CADM2: variants seen among roughly 807,000 people sequenced by gnomAD.
CADM2 encodes the protein cell adhesion molecule 2, also known as immunoglobulin superfamily member 4D.
CADM2 carries 12 observed loss-of-function variants against 49.8 expected under a neutral mutation model. The observed-to-expected ratio is 0.24, with a 90% CI of 0.15 to 0.39. The LOEUF (loss-of-function observed/expected upper bound fraction) is 0.39, where lower values mean the gene tolerates loss of function less well. Among genes scored for constraint, CADM2 ranks in the 10% least tolerant of loss-of-function variants. The pLI is 1.00. For missense variants in CADM2, 378 were observed against 492.3 expected (o/e 0.77, Z 2.20); for synonymous variants, 214 against 175.4 (o/e 1.22, Z -1.74).
At chr3:85,294,446 GT>G (rs2043896337) in intron 1 of CADM2, among the ~76,000 whole-genome samples, 1 of 151,688 alleles carries the variant, frequency 6.6e-6, no homozygotes, top group Non-Finnish European at 1.5e-5. Flanking sequence ...CTACTTTAAA[GT>G]TCATATGGAA....
intron 1 of CADM2, among the ~76,000 whole-genome samples, chr3:85,230,321 T>A (rs904680506): frequency 1.3e-5 from 2 of 152,224 alleles, no homozygotes; most frequent in African/African-American, 4.8e-5. Context: ...AAATGTATTA[T>A]ATAGCTAAGC....
chr3:85,228,938 A>G (rs1462608889), intron 1 of CADM2, among the ~76,000 whole-genome samples: 2 of 152,122 alleles, frequency 1.3e-5, no homozygotes, highest in Non-Finnish European at 1.5e-5. Context: ...GCCTTTCCCC[A>G]GGTACTCTGT....
At chr3:85,372,611 A>C (rs898055888) in intron 1 of CADM2, among the ~76,000 whole-genome samples, 9 of 152,030 alleles carry the variant, frequency 5.9e-5, no homozygotes, top group African/African-American at 2.2e-4. Context: ...TGATGTTCAG[A>C]TATTTTGGGT....
chr3:85,809,781 TC>T lies in CADM2; in HGVS notation c.238+7586del, dbSNP rs2072725261. 8.3e-5 allele frequency among the ~76,000 whole-genome samples: 8 copies of T among 96,512 alleles called. 2 individuals carry two copies. The highest frequency in any genetic ancestry group is 3.2e-4 in the African/African-American group (8 of 25,008). The allele number at this position is 96,512 out of a possible 152,430, so 63.3% of individuals were successfully genotyped here. ...CTCCCTCCCTCTCTCTCTCTCTCTC[TC>T]TCTCTCTCTCTTTCTTTCTTTCTTT... On this transcript the variant is annotated intron_variant, in intron 3 of 9. Coordinates refer to ENST00000383699, the MANE Select transcript of CADM2 (RefSeq NM_001167675.2).
chr3:85,637,580 G>A (rs36084690), intron 1 of CADM2, among the ~76,000 whole-genome samples: 5,984 of 100,632 alleles, frequency 0.059, 423 homozygotes, highest in African/African-American at 0.22. Context: ...CCGCAGTCCG[G>A]CCTGGGCGAC....
intron 7 of CADM2, among the ~76,000 whole-genome samples, chr3:85,958,455 A>G (rs1180990967): frequency 6.6e-6 from 1 of 151,888 alleles, no homozygotes; most frequent in Non-Finnish European, 1.5e-5. Context: ...GGATATATAC[A>G]TAAAGGAATA....
chr3:85,686,119 T>C (rs1403864212), intron 1 of CADM2, among the ~76,000 whole-genome samples: 1 of 152,246 alleles, frequency 6.6e-6, no homozygotes, highest in Non-Finnish European at 1.5e-5. Flanking sequence ...CTGTTAATTA[T>C]AGCCCAAGTG....
chr3:85,570,812 GTAATT>G (rs1221292713), intron 1 of CADM2, among the ~76,000 whole-genome samples: 1 of 152,078 alleles, frequency 6.6e-6, no homozygotes, highest in Non-Finnish European at 1.5e-5. Flanking sequence ...TGATTACTTG[GTAATT>G]TATCTTCTAC....
At chr3:85,301,341 T>C (rs906189842) in intron 1 of CADM2, among the ~76,000 whole-genome samples, 2 of 151,940 alleles carry the variant, frequency 1.3e-5, no homozygotes, top group African/African-American at 4.8e-5. Flanking sequence ...AATGGAATAG[T>C]ATTCGTGTTT....
intron 1 of CADM2, among the ~76,000 whole-genome samples, chr3:85,610,359 T>A (rs1349319964): frequency 6.6e-6 from 1 of 151,978 alleles, no homozygotes. Context: ...TTTTAAAAAA[T>A]TATTCTTTTA....
intron 1 of CADM2, among the ~76,000 whole-genome samples, chr3:85,564,825 G>C (rs1338285145): frequency 6.6e-6 from 1 of 151,968 alleles, no homozygotes; most frequent in African/African-American, 2.4e-5. Flanking sequence ...ATCTTAGGAT[G>C]CTAAGAAATA....
chr3:85,333,623 C>T (rs1389163787), intron 1 of CADM2, among the ~76,000 whole-genome samples: 1 of 151,678 alleles, frequency 6.6e-6, no homozygotes, highest in African/African-American at 2.4e-5. Context: ...ATTAAAGAAA[C>T]GTGTTTTTCT....
At chr3:85,306,154 G>A (rs1395607855) in intron 1 of CADM2, among the ~76,000 whole-genome samples, 2 of 151,596 alleles carry the variant, frequency 1.3e-5, no homozygotes, top group Admixed American at 6.6e-5. Context: ...CATCTAAGGC[G>A]GTTCAGTCAC....
At chr3:85,538,785 T>C (rs2061477882) in intron 1 of CADM2, among the ~76,000 whole-genome samples, 1 of 152,096 alleles carries the variant, frequency 6.6e-6, no homozygotes, top group South Asian at 2.1e-4. Flanking sequence ...GTTTCTGCCA[T>C]TTCAGTCTGA....
At chr3:85,079,304 A>G (rs181219313) in intron 1 of CADM2, among the ~76,000 whole-genome samples, 111 of 151,904 alleles carry the variant, frequency 7.3e-4, no homozygotes, top group Non-Finnish European at 1.3e-3. Flanking sequence ...TATTTTATCA[A>G]TTGTCTTTCC....
chr3:85,869,747 A>ACC (rs2075850929), intron 3 of CADM2, among the ~76,000 whole-genome samples: 2 of 151,970 alleles, frequency 1.3e-5, no homozygotes, highest in Non-Finnish European at 2.9e-5. Flanking sequence ...CAAGCTCTGC[A>ACC]TCCTGGGTTC....
At chr3:85,689,026 A>G (rs1490426468) in intron 1 of CADM2, among the ~76,000 whole-genome samples, 3 of 152,238 alleles carry the variant, frequency 2.0e-5, no homozygotes, top group African/African-American at 7.2e-5. Flanking sequence ...AAAAACTGGA[A>G]ACAACCTAAA....
At chr3:85,103,055 A>C (rs1236265613) in intron 1 of CADM2, among the ~76,000 whole-genome samples, 1 of 152,188 alleles carries the variant, frequency 6.6e-6, no homozygotes, top group Non-Finnish European at 1.5e-5. Context: ...TTAAATGAGA[A>C]AGGCTACCTT....
intron 1 of CADM2, among the ~76,000 whole-genome samples, chr3:85,127,138 A>C (rs2039062404): frequency 6.6e-6 from 1 of 152,180 alleles, no homozygotes; most frequent in South Asian, 2.1e-4. Flanking sequence ...ATTGACATTC[A>C]GCATAATAAA....
Sources: allele counts gnomAD v4.1 joint callset (sites outside exome capture counted in the v4.1 genomes callset), GRCh38; gene constraint gnomAD v4.1.1; transcripts MANE v1.5; gene names NCBI Gene and HGNC (gene_info 2026-07-23, HGNC 2026-07-21).